The following USH2A variants were observed in gnomAD, a reference collection of about 807,000 sequenced individuals.
The protein encoded by USH2A is usherin.
In USH2A, 443 loss-of-function variants were observed where a neutral mutation model predicts 538.9. That is an observed-to-expected ratio of 0.82 (90% CI 0.76 to 0.89). USH2A has a LOEUF of 0.89. Among genes scored for constraint, USH2A ranks in the 40% least tolerant of loss-of-function variants. The pLI, the probability that USH2A is intolerant of heterozygous loss-of-function variation, is 0.00. For synonymous variants in USH2A, 2,413 were observed against 2,273.5 expected (o/e 1.06, Z -1.75); for missense variants, 6,633 against 6,324.8 (o/e 1.05, Z -1.65).
chr1:216,268,350 T>C (rs1364996616), intron 11 of USH2A, among the ~76,000 whole-genome samples: 1 of 152,070 alleles, frequency 6.6e-6, no homozygotes, highest in Non-Finnish European at 1.5e-5. Context: ...TATTTATCAA[T>C]AAAATGAGCA....
At chr1:216,025,686 T>C (rs1313289656) in intron 32 of USH2A, among the ~76,000 whole-genome samples, 1 of 152,122 alleles carries the variant, frequency 6.6e-6, no homozygotes, top group Non-Finnish European at 1.5e-5. Flanking sequence ...TAAAGGTATG[T>C]GCCTTTATAG....
intron 4 of USH2A, among the ~76,000 whole-genome samples, chr1:216,357,551 G>A (rs950747082): frequency 7.2e-5 from 11 of 152,146 alleles, no homozygotes; most frequent in African/African-American, 2.7e-4. Flanking sequence ...AGGAAGGCAA[G>A]TAGGAGTTAG....
intron 58 of USH2A, among the ~76,000 whole-genome samples, chr1:215,749,486 A>G (rs1660565471): frequency 1.3e-5 from 2 of 152,246 alleles, no homozygotes. Context: ...GCATGCATTT[A>G]GGAAAGTGGG....
intron 43 of USH2A, 44 bp from the exon 44 acceptor site, chr1:215,867,214 T>C: frequency 1.9e-6 from 3 of 1,591,390 alleles, no homozygotes; most frequent in South Asian, 1.1e-5. Flanking sequence ...ATTTCTACTT[T>C]ACAGAAAATC....
At chr1:215,901,018 G>A in intron 38 of USH2A, 113 bp from the exon 39 acceptor site, 2 of 1,244,824 alleles carry the variant, frequency 1.6e-6, no homozygotes, top group South Asian at 1.3e-5. Context: ...CAACAACAAT[G>A]TTAAACATGG....
At chr1:216,287,121 C>G (rs2036901189) in intron 11 of USH2A, among the ~76,000 whole-genome samples, 1 of 151,986 alleles carries the variant, frequency 6.6e-6, no homozygotes, top group Non-Finnish European at 1.5e-5. Flanking sequence ...GGTTTTATTC[C>G]AGGGATGCAA....
intron 56 of USH2A, among the ~76,000 whole-genome samples, chr1:215,761,201 C>G (rs1484003371): frequency 1.3e-5 from 2 of 152,124 alleles, no homozygotes. Flanking sequence ...GCATTTTGTT[C>G]TCATATGTAG....
At chr1:215,922,050 T>C (rs776674902) in intron 38 of USH2A, among the ~76,000 whole-genome samples, 15 of 152,036 alleles carry the variant, frequency 9.9e-5, no homozygotes, top group Admixed American at 3.3e-4. Context: ...TGAGGTCCAA[T>C]AGACAGCAAA....
chr1:216,096,970 A>C (rs1373683407), intron 22 of USH2A, 113 bp downstream of exon 22: 1 of 1,130,908 alleles, frequency 8.8e-7, no homozygotes, highest in African/African-American at 1.6e-5. Context: ...TAATAATAGT[A>C]CTTACCTTAC....
At chr1:215,747,139 A>G (rs768300732) in intron 58 of USH2A, among the ~76,000 whole-genome samples, 59 of 152,274 alleles carry the variant, frequency 3.9e-4, no homozygotes, top group Admixed American at 9.8e-4. Context: ...TTCATACTGT[A>G]ACCAAAGGAC....
intron 21 of USH2A, among the ~76,000 whole-genome samples, chr1:216,103,612 G>A (rs1442100543): frequency 6.6e-6 from 1 of 152,054 alleles, no homozygotes; most frequent in East Asian, 1.9e-4. Context: ...TGAAAAAGCT[G>A]CTAAAAAGTT....
At chr1:215,740,194 T>C (rs181848982) in intron 60 of USH2A, among the ~76,000 whole-genome samples, 14 of 152,216 alleles carry the variant, frequency 9.2e-5, no homozygotes, top group Admixed American at 9.2e-4. Context: ...CCTCCATCTC[T>C]CCCTCATTCT....
Position 216,292,263 on chromosome 1 carries a change from G to A in USH2A, c.1752C>T (p.Cys584=), listed in dbSNP as rs2037016074. The change falls in exon 10 of 72, where the codon TGC becomes TGT. Residue 584 remains cysteine (C), a synonymous_variant. Transcript: ENST00000307340. ...ATGGGTCTACAGAGATGTTGTAATG[G>A]CAGCTTTTGGAATGGCTGTTGCATT... ...PCQCNSHSKS[C]HYNISVDPFP... is the part of the protein sequence containing the mutation. 2.5e-6 allele frequency: 4 copies of A among 1,614,076 alleles called. No individual in the cohort carries two copies. Among genetic ancestry groups the A allele is most frequent in the Non-Finnish European group, 3.4e-6 (4 of 1,179,974 alleles).
intron 37 of USH2A, among the ~76,000 whole-genome samples, chr1:215,956,605 C>T (rs1318540366): frequency 6.6e-6 from 1 of 152,100 alleles, no homozygotes; most frequent in Non-Finnish European, 1.5e-5. Context: ...CCTGTGCCCT[C>T]TCATGGCTCT....
chr1:215,785,315 G>A (rs1661767773), intron 52 of USH2A, among the ~76,000 whole-genome samples: 1 of 152,192 alleles, frequency 6.6e-6, no homozygotes, highest in South Asian at 2.1e-4. Flanking sequence ...GACATTTCAG[G>A]TGGAATAACA....
At chr1:215,917,576 A>G (rs980478792) in intron 38 of USH2A, among the ~76,000 whole-genome samples, 1 of 151,928 alleles carries the variant, frequency 6.6e-6, no homozygotes, top group African/African-American at 2.4e-5. Flanking sequence ...AGCTCAAGTC[A>G]AAGCCACTCT....
chr1:216,422,784 T>G (rs1296295812), intron 1 of USH2A, among the ~76,000 whole-genome samples: 1 of 151,586 alleles, frequency 6.6e-6, no homozygotes, highest in Admixed American at 6.6e-5. Flanking sequence ...CAGTTATACA[T>G]AAATATTTAT....
chr1:215,906,555 A>C (rs1049544268), intron 38 of USH2A, among the ~76,000 whole-genome samples: 1 of 152,048 alleles, frequency 6.6e-6, no homozygotes, highest in Non-Finnish European at 1.5e-5. Flanking sequence ...AAATATATTA[A>C]ATCTATATAA....
At chr1:216,217,262 T>C in intron 15 of USH2A, 125 bp downstream of exon 15, 1 of 1,222,052 alleles carries the variant, frequency 8.2e-7, no homozygotes, top group Non-Finnish European at 1.2e-6. Flanking sequence ...TTCCATCTCT[T>C]ACCTACGTTC....
Sources: gnomAD v4.1 joint callset for allele counts (sites outside exome capture counted in the v4.1 genomes callset) on GRCh38, gnomAD v4.1.1 for gene constraint, MANE v1.5 for transcripts, NCBI Gene and HGNC (gene_info 2026-07-23, HGNC 2026-07-21) for gene names.